Variants in AGBL4 observed in about 807,000 individuals in gnomAD.
AGBL4 encodes cytosolic carboxypeptidase 6.
AGBL4 carries 58 observed loss-of-function variants against 66.4 expected under a neutral mutation model. The ratio of observed to expected loss-of-function variants is 0.87; its 90% CI spans 0.71 to 1.09. AGBL4 has a LOEUF of 1.09. Ranked by LOEUF, AGBL4 falls within the 50% of genes least tolerant of loss-of-function variation. The pLI, the probability that AGBL4 is intolerant of heterozygous loss-of-function variation, is 0.00. For synonymous variants in AGBL4, 234 were observed against 222.9 expected, an observed-to-expected ratio of 1.05 and a Z score of -0.44; for missense variants, 579 against 631.0, an observed-to-expected ratio of 0.92 and a Z score of 0.88.
chr1:49,926,644 A>T (rs1255262479), intron 1 of AGBL4, among the ~76,000 whole-genome samples: 5 of 152,224 alleles, frequency 3.3e-5, no homozygotes, highest in African/African-American at 1.2e-4. Flanking sequence ...ACTCAAAGAA[A>T]TCTAAGATAA....
At chr1:49,359,490 T>C (rs541619759) in intron 3 of AGBL4, among the ~76,000 whole-genome samples, 2 of 152,080 alleles carry the variant, frequency 1.3e-5, no homozygotes, top group Admixed American at 1.3e-4. Context: ...GCAAAGTAAA[T>C]AAAACAAACA....
intron 1 of AGBL4, among the ~76,000 whole-genome samples, chr1:49,939,354 T>C (rs1654487514): frequency 6.6e-6 from 1 of 152,018 alleles, no homozygotes; most frequent in Non-Finnish European, 1.5e-5. Flanking sequence ...AAAAACTACT[T>C]TAAAGTTCAT....
At chr1:48,670,764 C>T (rs1424332087) in intron 6 of AGBL4, among the ~76,000 whole-genome samples, 1 of 152,200 alleles carries the variant, frequency 6.6e-6, no homozygotes, top group Non-Finnish European at 1.5e-5. Context: ...TCCCAGCACC[C>T]TACAAACACC....
intron 6 of AGBL4, among the ~76,000 whole-genome samples, chr1:48,709,524 T>C (rs1646930835): frequency 6.6e-6 from 1 of 151,918 alleles, no homozygotes; most frequent in Non-Finnish European, 1.5e-5. Flanking sequence ...TGCATTGCAC[T>C]TTACTTTTCA....
chr1:48,840,908 G>A lies in AGBL4; in HGVS notation c.634+26283C>T, dbSNP rs148928186. On this transcript the variant is annotated intron_variant, in intron 6 of 13. Coordinates refer to ENST00000371839, the MANE Select transcript of AGBL4 (RefSeq NM_032785.4). ...CAAACTGTGGCACATCTATACAATT[G>A]AATAATACAAGTCTAAGGAATTGTA... 8.7e-4 allele frequency among the ~76,000 whole-genome samples: 133 copies of A among 152,056 alleles called. 2 individuals are homozygous for A. The East Asian group carries it at 0.023, about 26-fold the overall frequency.
chr1:49,042,686 C>T (rs1490009944), intron 5 of AGBL4, among the ~76,000 whole-genome samples: 1 of 152,138 alleles, frequency 6.6e-6, no homozygotes, highest in Non-Finnish European at 1.5e-5. Context: ...CTCTTTGAGG[C>T]TTTCAAGGAG....
At chr1:49,252,864 A>G (rs1474400501) in intron 3 of AGBL4, among the ~76,000 whole-genome samples, 1 of 152,188 alleles carries the variant, frequency 6.6e-6, no homozygotes, top group Non-Finnish European at 1.5e-5. Flanking sequence ...ATGCTGAGGA[A>G]ATTTGGTACT....
chr1:49,938,802 G>A (rs894939430), intron 1 of AGBL4, among the ~76,000 whole-genome samples: 12 of 151,980 alleles, frequency 7.9e-5, no homozygotes, highest in African/African-American at 2.2e-4. Context: ...ACAACGCTTC[G>A]TGCTAAAAAC....
intron 1 of AGBL4, among the ~76,000 whole-genome samples, chr1:49,880,053 T>C (rs1231132739): frequency 1.3e-5 from 2 of 151,602 alleles, no homozygotes; most frequent in Admixed American, 1.3e-4. Context: ...ATTCTAGTTA[T>C]ACATTCCTCT....
intron 1 of AGBL4, among the ~76,000 whole-genome samples, chr1:49,931,483 GAGAGAGCA>G (rs1228122329): frequency 1.4e-4 from 22 of 152,154 alleles, no homozygotes; most frequent in African/African-American, 5.1e-4. Context: ...TAGCAGAAGA[GAGAGAGCA>G]AGACGGGGGA....
chr1:48,560,646 C>T (rs765005333), intron 11 of AGBL4, among the ~76,000 whole-genome samples: 10 of 152,222 alleles, frequency 6.6e-5, no homozygotes, highest in African/African-American at 9.6e-5. Context: ...CTCTGGCCTA[C>T]AGTCAGTCCC....
At chr1:49,406,848 G>C (rs1037560397) in intron 3 of AGBL4, among the ~76,000 whole-genome samples, 4 of 151,788 alleles carry the variant, frequency 2.6e-5, no homozygotes, top group African/African-American at 9.7e-5. Context: ...GGCGGATCAC[G>C]AGGTCAGGAA....
intron 9 of AGBL4, among the ~76,000 whole-genome samples, chr1:48,630,776 T>A (rs1645580668): frequency 6.6e-6 from 1 of 152,202 alleles, no homozygotes; most frequent in African/African-American, 2.4e-5. Context: ...CCCTGTGTCA[T>A]AACAACCTCT....
chr1:48,703,789 G>A (rs904774640), intron 6 of AGBL4, among the ~76,000 whole-genome samples: 11 of 152,040 alleles, frequency 7.2e-5, no homozygotes, highest in Admixed American at 7.2e-4. Flanking sequence ...GCATTGAAGG[G>A]GATATCAAGA....
At chr1:49,211,431 AC>A (rs1648660398) in intron 4 of AGBL4, among the ~76,000 whole-genome samples, 1 of 152,110 alleles carries the variant, frequency 6.6e-6, no homozygotes, top group Non-Finnish European at 1.5e-5. Flanking sequence ...ACAACTCTGA[AC>A]TTATGGTTCT....
chr1:49,540,366 C>G (rs192841276), intron 3 of AGBL4, among the ~76,000 whole-genome samples: 1 of 152,206 alleles, frequency 6.6e-6, no homozygotes, highest in Non-Finnish European at 1.5e-5. Context: ...AAGTCTAACT[C>G]AAATGCCAAC....
At chr1:49,902,473 G>A (rs1203243595) in intron 1 of AGBL4, among the ~76,000 whole-genome samples, 1 of 152,144 alleles carries the variant, frequency 6.6e-6, no homozygotes, top group Non-Finnish European at 1.5e-5. Context: ...ATCAGGCCGG[G>A]TGTGGTGGCT....
chr1:48,972,152 C>T (rs753456712), intron 5 of AGBL4, among the ~76,000 whole-genome samples: 1 of 152,108 alleles, frequency 6.6e-6, no homozygotes, highest in South Asian at 2.1e-4. Flanking sequence ...TACCTCACTT[C>T]GTACCGAGGT....
At chr1:49,231,059 G>A (rs561543919) in intron 4 of AGBL4, among the ~76,000 whole-genome samples, 59 of 152,210 alleles carry the variant, frequency 3.9e-4, no homozygotes, top group African/African-American at 1.3e-3. Flanking sequence ...GACTATGTAG[G>A]GTTTTATGAA....
Sources: gnomAD v4.1 joint callset for allele counts (sites outside exome capture counted in the v4.1 genomes callset) on GRCh38, gnomAD v4.1.1 for gene constraint, MANE v1.5 for transcripts, NCBI Gene and HGNC (gene_info 2026-07-23, HGNC 2026-07-21) for gene names.